The following ADK variants were observed in gnomAD, a reference collection of about 807,000 sequenced individuals.
The protein encoded by ADK is N6,N6-dimethyladenosine kinase.
ADK carries 24 observed loss-of-function variants against 44.7 expected under a neutral mutation model. The ratio of observed to expected loss-of-function variants is 0.54; its 90% confidence interval spans 0.39 to 0.76. ADK has a LOEUF of 0.76. Among genes scored for constraint, ADK ranks in the 30% least tolerant of loss-of-function variants. The pLI is 0.00. For missense variants in ADK, 321 were observed against 425.1 expected (o/e 0.76, Z 2.15); for synonymous variants, 128 against 142.6 (o/e 0.90, Z 0.73).
chr10:74,263,080 A>G (rs1372418942), intron 3 of ADK, among the ~76,000 whole-genome samples: 1 of 152,198 alleles, frequency 6.6e-6, no homozygotes, highest in East Asian at 1.9e-4. Flanking sequence ...CTGGTTTAGG[A>G]ATCCATGAAT....
intron 7 of ADK, among the ~76,000 whole-genome samples, chr10:74,527,431 T>A (rs984085585): frequency 6.6e-6 from 1 of 151,608 alleles, no homozygotes; most frequent in African/African-American, 2.4e-5. Flanking sequence ...TAAAGAAAGC[T>A]TAGGGAGATT....
intron 7 of ADK, among the ~76,000 whole-genome samples, chr10:74,537,152 G>T (rs1431268166): frequency 2.0e-5 from 3 of 152,128 alleles, no homozygotes; most frequent in African/African-American, 7.2e-5. Flanking sequence ...CTGGGCACGA[G>T]GTGGCATCTC....
intron 7 of ADK, among the ~76,000 whole-genome samples, chr10:74,582,825 A>G (rs1282763684): frequency 6.6e-6 from 1 of 152,178 alleles, no homozygotes; most frequent in African/African-American, 2.4e-5. Context: ...GACGGGAAGC[A>G]TATGGTAACA....
At chr10:74,254,359 A>G (rs181439673) in intron 3 of ADK, among the ~76,000 whole-genome samples, 1 of 152,156 alleles carries the variant, frequency 6.6e-6, no homozygotes, top group Admixed American at 6.6e-5. Flanking sequence ...TCCTTTCCTT[A>G]AATAGAGTCC....
intron 4 of ADK, among the ~76,000 whole-genome samples, chr10:74,347,094 G>A (rs1182182604): frequency 2.4e-4 from 26 of 108,014 alleles, no homozygotes; most frequent in African/African-American, 1.0e-3. Flanking sequence ...GCGACAGAGC[G>A]ACACTCTGTC....
intron 3 of ADK, among the ~76,000 whole-genome samples, chr10:74,232,199 A>G (rs1564608417): frequency 1.3e-5 from 2 of 152,058 alleles, no homozygotes; most frequent in Admixed American, 6.6e-5. Context: ...CTTCGGAAAG[A>G]TTTGCTTAAA....
rs1241460392 is a variant in ADK, at chr10:74,383,184, C to G, written c.274-10957C>G. 2.0e-5 allele frequency among the ~76,000 whole-genome samples: 3 copies of G among 152,058 alleles called. No individual in the cohort carries two copies. In the East Asian group the frequency reaches 5.8e-4, roughly 29 times the overall value. On this transcript the variant is annotated intron_variant, in intron 4 of 10. Transcript: ENST00000539909. The stretch of plus-strand genomic sequence containing the variant: ...CTTTCTGCCAACCTTATGCCAGATT[C>G]TATGCTGAACCTTTAACCTGTATTA...
intron 10 of ADK, among the ~76,000 whole-genome samples, chr10:74,674,996 T>C (rs1169667691): frequency 6.6e-6 from 1 of 152,228 alleles, no homozygotes; most frequent in African/African-American, 2.4e-5. Context: ...TTTTCTTCGC[T>C]TCATTGCCCA....
intron 6 of ADK, among the ~76,000 whole-genome samples, chr10:74,424,182 A>G (rs1438785785): frequency 6.6e-6 from 1 of 152,052 alleles, no homozygotes; most frequent in Non-Finnish European, 1.5e-5. Flanking sequence ...CCCTGGTGGT[A>G]TCTCCATATA....
intron 9 of ADK, among the ~76,000 whole-genome samples, chr10:74,603,176 C>A (rs1256303041): frequency 2.6e-5 from 4 of 151,944 alleles, no homozygotes; most frequent in Non-Finnish European, 5.9e-5. Flanking sequence ...CCTTAATTTA[C>A]CATAAGTGAC....
At chr10:74,235,546 T>C (rs1037499136) in intron 3 of ADK, among the ~76,000 whole-genome samples, 8 of 152,116 alleles carry the variant, frequency 5.3e-5, no homozygotes, top group Admixed American at 2.6e-4. Flanking sequence ...TCAAGTGGTC[T>C]GCCTACCTCA....
intron 3 of ADK, among the ~76,000 whole-genome samples, chr10:74,236,924 C>T (rs7076721): frequency 0.17 from 25,983 of 152,062 alleles, 2,596 homozygotes; most frequent in African/African-American, 0.28. Context: ...AAAATGCTAA[C>T]AATCATCTGA....
chr10:74,526,677 A>C (rs1262082273), intron 7 of ADK, among the ~76,000 whole-genome samples: 1 of 152,210 alleles, frequency 6.6e-6, no homozygotes, highest in African/African-American at 2.4e-5. Flanking sequence ...TGTATCTGCA[A>C]AGGTGATGGT....
intron 4 of ADK, among the ~76,000 whole-genome samples, chr10:74,331,570 G>A (rs957219724): frequency 6.6e-6 from 1 of 152,020 alleles, no homozygotes; most frequent in African/African-American, 2.4e-5. Flanking sequence ...TGCAACTTCC[G>A]CCTCCTGGGT....
chr10:74,600,658 A>G (rs930429636), intron 9 of ADK, among the ~76,000 whole-genome samples, 165 bp downstream of exon 9: 7 of 151,642 alleles, frequency 4.6e-5, no homozygotes, highest in African/African-American at 1.7e-4. Flanking sequence ...TCTCAGTAGA[A>G]AAGATTTCAT....
At chr10:74,480,317 C>A (rs1198887463) in intron 6 of ADK, among the ~76,000 whole-genome samples, 1 of 151,372 alleles carries the variant, frequency 6.6e-6, no homozygotes, top group Non-Finnish European at 1.5e-5. Context: ...CAGCCTTGAT[C>A]TCCTCAGCTC....
At chr10:74,315,313 A>G (rs1035033664) in intron 4 of ADK, among the ~76,000 whole-genome samples, 1 of 152,180 alleles carries the variant, frequency 6.6e-6, no homozygotes, top group African/African-American at 2.4e-5. Context: ...ATATCTATGT[A>G]TAGACATATA....
At chr10:74,642,898 A>G (rs1853922874) in intron 9 of ADK, among the ~76,000 whole-genome samples, 1 of 145,090 alleles carries the variant, frequency 6.9e-6, no homozygotes, top group Non-Finnish European at 1.5e-5. Flanking sequence ...GGAGTGCAGT[A>G]GCATGATCAT....
chr10:74,596,267 T>C (rs1408710621), intron 8 of ADK, among the ~76,000 whole-genome samples: 3 of 152,192 alleles, frequency 2.0e-5, no homozygotes, highest in Admixed American at 2.0e-4. Flanking sequence ...ACTACTTGTA[T>C]TTATGACCTT....
Sources: gnomAD v4.1 joint callset for allele counts (sites outside exome capture counted in the v4.1 genomes callset) on GRCh38, gnomAD v4.1.1 for gene constraint, MANE v1.5 for transcripts, NCBI Gene and HGNC (gene_info 2026-07-23, HGNC 2026-07-21) for gene names.